The following CUL5 variants were observed in gnomAD, a reference collection of about 807,000 sequenced individuals.
CUL5 encodes cullin-5.
CUL5 carries 26 observed loss-of-function variants against 108.8 expected under a neutral mutation model. That is an observed-to-expected ratio of 0.24 (90% confidence interval 0.18 to 0.33). The LOEUF is 0.33. CUL5 is among the 10% of genes least tolerant of loss of function. CUL5 has a pLI of 1.00. For missense variants in CUL5, 524 were observed against 909.2 expected, an observed-to-expected ratio of 0.58 and a Z score of 5.45; for synonymous variants, 334 against 298.0, an observed-to-expected ratio of 1.12 and a Z score of -1.25.
intron 1 of CUL5, among the ~76,000 whole-genome samples, chr11:108,025,816 A>T (rs1326349863): frequency 1.3e-5 from 2 of 151,812 alleles, no homozygotes; most frequent in African/African-American, 4.8e-5. Flanking sequence ...GCCTTTTCAA[A>T]CTCTGAACTC....
chr11:108,072,872 G>A (rs1341909501), intron 9 of CUL5, among the ~76,000 whole-genome samples: 1 of 152,032 alleles, frequency 6.6e-6, no homozygotes, highest in Admixed American at 6.6e-5. Flanking sequence ...ATACAGAATT[G>A]AAAATTGAAA....
At chr11:108,066,726 C>T (rs1166641142) in intron 7 of CUL5, among the ~76,000 whole-genome samples, 4 of 152,160 alleles carry the variant, frequency 2.6e-5, no homozygotes, top group Non-Finnish European at 5.9e-5. Context: ...AGCTGTGTGC[C>T]AGGACACAGC....
chr11:108,054,735 T>C lies in CUL5; in HGVS notation c.642T>C (p.Tyr214=). ...KAYLDSTERF[Y]RTQAPSYLQQ... ...ACTTGGATTCAACAGAGAGATTTTATAGAACACAAGCACCCTCGTATTTAC... is the reference window on the plus strand; with the variant it reads ...ACTTGGATTCAACAGAGAGATTTTACAGAACACAAGCACCCTCGTATTTAC... Residue 214 remains tyrosine (Y), a synonymous_variant, in exon 6 of 19, where the codon TAT becomes TAC. Coordinates refer to ENST00000393094, the MANE Select transcript of CUL5 (RefSeq NM_003478.6). 1 of 1,611,806 alleles carries C rather than the reference T, an allele frequency of 6.2e-7. No homozygotes were observed. Among genetic ancestry groups the C allele is most frequent in the Non-Finnish European group, 8.5e-7 (1 of 1,178,430 alleles).
chr11:108,069,641 T>G (rs1429708781), intron 7 of CUL5, among the ~76,000 whole-genome samples: 2 of 152,188 alleles, frequency 1.3e-5, no homozygotes, highest in African/African-American at 4.8e-5. Context: ...CACTCTCAAT[T>G]AGACAGTGAT....
At chr11:108,090,373 C>G (rs530387394) in intron 13 of CUL5, among the ~76,000 whole-genome samples, 1 of 152,104 alleles carries the variant, frequency 6.6e-6, no homozygotes, top group Non-Finnish European at 1.5e-5. Flanking sequence ...GCCTGTAGTC[C>G]CAGCTACTTG....
At position 108,106,812 on chromosome 11, in the gene CUL5, A is replaced by G. The variant is rs542679527; in HGVS notation, c.*2428A>G. On this transcript the variant is annotated 3_prime_UTR_variant, in exon 19 of 19. Transcript: ENST00000393094. ...CAGGGATATAACCTGCAGTTAAGTG[A>G]AAAGAAAATCCAGCCTCCCCCTCCA... is the stretch of plus-strand genomic sequence containing the variant. 1 of 147,512 alleles carries G rather than the reference A, an allele frequency of 6.8e-6. No individual in the cohort carries two copies. The highest frequency in any genetic ancestry group is 7.1e-5 in the Admixed American group (1 of 14,034). The allele number at this position is 147,512 out of a possible 1,614,324, so 9.1% of individuals were successfully genotyped here.
rs1296266621 is a variant in CUL5, at chr11:108,107,403, A to C, written c.*3019A>C. 1 of 152,644 alleles carries C rather than the reference A, an allele frequency of 6.6e-6. No homozygotes were observed. Among genetic ancestry groups the C allele is most frequent in the Non-Finnish European group, 1.5e-5 (1 of 68,040 alleles). The allele number at this position is 152,644 out of a possible 1,614,324, so 9.5% of individuals were successfully genotyped here. ...TTTTACAGAAAGATTTGCTATCTTAAACTCAAGCTGGTTTTTCTGTTCTCA... is the reference window on the plus strand; with the variant it reads ...TTTTACAGAAAGATTTGCTATCTTACACTCAAGCTGGTTTTTCTGTTCTCA... On this transcript the variant is annotated 3_prime_UTR_variant, in exon 19 of 19. Transcript: ENST00000393094.
intron 16 of CUL5, among the ~76,000 whole-genome samples, chr11:108,096,402 A>G (rs1864496323): frequency 6.6e-6 from 1 of 151,074 alleles, no homozygotes; most frequent in African/African-American, 2.4e-5. Context: ...TGAGGTGGGA[A>G]GATTGCTTGA....
intron 1 of CUL5, among the ~76,000 whole-genome samples, chr11:108,019,512 A>AATGGTGGTCTT (rs1862278911): frequency 6.6e-6 from 1 of 152,138 alleles, no homozygotes; most frequent in Non-Finnish European, 1.5e-5. Flanking sequence ...TCACATATAT[A>AATGGTGGTCTT]ATGGTGGTCT....
chr11:108,022,948 A>G (rs577024483), intron 1 of CUL5, among the ~76,000 whole-genome samples: 1 of 152,312 alleles, frequency 6.6e-6, no homozygotes, highest in African/African-American at 2.4e-5. Context: ...GGATATACAT[A>G]TTAGAAATAT....
At chr11:108,100,788 T>A (rs1435611904) in intron 18 of CUL5, among the ~76,000 whole-genome samples, 1 of 152,128 alleles carries the variant, frequency 6.6e-6, no homozygotes, top group African/African-American at 2.4e-5. Context: ...CCCAACACTT[T>A]GGGAGGCCGA....
chr11:108,059,657 T>A (rs922766534), intron 7 of CUL5, among the ~76,000 whole-genome samples: 1 of 151,846 alleles, frequency 6.6e-6, no homozygotes, highest in Non-Finnish European at 1.5e-5. Context: ...GATGGGTGGA[T>A]CATGAGGTCA....
intron 11 of CUL5, among the ~76,000 whole-genome samples, chr11:108,081,168 A>G (rs1288479513): frequency 6.6e-6 from 1 of 151,404 alleles, no homozygotes; most frequent in Non-Finnish European, 1.5e-5. Flanking sequence ...CATGCCTGTG[A>G]TCCCAGCTAC....
At position 108,009,093 on chromosome 11, in the gene CUL5, G is replaced by GT; in HGVS notation, c.-254dup. The stretch of plus-strand genomic sequence containing the variant: ...TCCCGTTACCTTCTCAGCATTCGCC[G>GT]TTCCGGTCTTCCTGAGCGCGTGCAT... On this transcript the variant is annotated 5_prime_UTR_variant, in exon 1 of 19. An upstream open reading frame in the 5' UTR gains an earlier in-frame stop. Coordinates refer to ENST00000393094, the MANE Select transcript of CUL5 (RefSeq NM_003478.6). 1 of 549,480 alleles carries GT rather than the reference G, an allele frequency of 1.8e-6. No individual in the cohort carries two copies. Among genetic ancestry groups the GT allele is most frequent in the South Asian group, 2.4e-5 (1 of 41,276 alleles). The allele number at this position is 549,480 out of a possible 1,614,324, so 34.0% of individuals were successfully genotyped here.
intron 7 of CUL5, among the ~76,000 whole-genome samples, chr11:108,065,465 A>C (rs1046822174): frequency 6.6e-6 from 1 of 152,172 alleles, no homozygotes; most frequent in Non-Finnish European, 1.5e-5. Flanking sequence ...CTAGAACTCA[A>C]GTCCTTACCA....
rs566286329 is a variant in CUL5 at position 108,054,093 on chromosome 11, A to G, written c.554-554A>G. ...ACTCCTGACCTCAAGTAATCTGCCC[A>G]CCTTGGCCTCCCGCAGTGCTGGGAT... is the stretch of plus-strand genomic sequence containing the variant. On this transcript the variant is annotated intron_variant, in intron 5 of 18. Coordinates refer to ENST00000393094, the MANE Select transcript of CUL5 (RefSeq NM_003478.6). Among the ~76,000 whole-genome samples, 8 of 152,186 alleles carry G rather than the reference A, an allele frequency of 5.3e-5. No homozygotes were observed. In the South Asian group the frequency reaches 1.2e-3, roughly 24 times the overall value.
At chr11:108,047,242 G>A (rs1266095571) in intron 3 of CUL5, among the ~76,000 whole-genome samples, 1 of 152,098 alleles carries the variant, frequency 6.6e-6, no homozygotes, top group African/African-American at 2.4e-5. Context: ...GTGTGAGCCT[G>A]GAAGATTGAG....
intron 2 of CUL5, among the ~76,000 whole-genome samples, chr11:108,045,526 A>C (rs1457639629): frequency 6.6e-6 from 1 of 152,158 alleles, no homozygotes; most frequent in Non-Finnish European, 1.5e-5. Context: ...TTGAGACTGC[A>C]GTGAGCTATG....
intron 1 of CUL5, among the ~76,000 whole-genome samples, chr11:108,029,781 T>C (rs1327783694): frequency 1.3e-5 from 2 of 152,236 alleles, no homozygotes; most frequent in African/African-American, 4.8e-5. Flanking sequence ...AGCAAAAATA[T>C]GTTTCCTGGT....
Sources: allele counts gnomAD v4.1 joint callset (sites outside exome capture counted in the v4.1 genomes callset), GRCh38; gene constraint gnomAD v4.1.1; transcripts MANE v1.5; gene names NCBI Gene and HGNC (gene_info 2026-07-23, HGNC 2026-07-21).